BTG4: variants seen among roughly 807,000 people sequenced by gnomAD.
BTG4 encodes the protein BTG anti-proliferation factor 4, also known as protein BTG4.
Under a neutral mutation model 19.3 loss-of-function variants are expected in BTG4, and 10 were observed. The observed-to-expected ratio is 0.52, with a 90% CI of 0.32 to 0.88. The LOEUF (loss-of-function observed/expected upper bound fraction) is 0.88. Among genes scored for constraint, BTG4 ranks in the 40% least tolerant of loss-of-function variants. BTG4 has a pLI of 0.04. For missense variants in BTG4, 238 were observed against 281.9 expected (o/e 0.84, Z 1.11); for synonymous variants, 91 against 95.7 (o/e 0.95, Z 0.29).
chr11:111,497,318 T>C lies in BTG4; in HGVS notation c.403A>G (p.Ser135Gly). ...GAGGAAACGTCTGATGAGGCTCTAC[T>C]AACGGCATAACTGATTTGTTGATAT... ...ELYQQISYAVSRASSDVSSGT... is the reference protein window; with the variant it reads ...ELYQQISYAVGRASSDVSSGT... The change falls in exon 4 of 5, where the codon AGT becomes GGT. Residue 135 changes from serine to glycine, a missense_variant. Physicochemically the swap from Ser to Gly is moderately conservative, Grantham distance 56 (BLOSUM62 0). Coordinates refer to ENST00000692032, the MANE Select transcript of BTG4 (RefSeq NM_001367975.1). 1.3e-6 allele frequency: 2 copies of C among 1,595,236 alleles called. No individual in the cohort carries two copies. Among genetic ancestry groups the C allele is most frequent in the Non-Finnish European group, 1.7e-6 (2 of 1,173,696 alleles).
Position 111,498,743 on chromosome 11 carries a change from C to A in BTG4, c.34G>T (p.Val12Phe), listed in dbSNP as rs780084977. 3 of 1,612,108 alleles carry A rather than the reference C, an allele frequency of 1.9e-6. No individual in the cohort carries two copies. The highest frequency in any genetic ancestry group is 2.7e-5 in the African/African-American group (2 of 74,810). The change falls in exon 2 of 5, where the codon GTC becomes TTC. Residue 12 changes from valine to phenylalanine, a missense_variant. Coordinates refer to ENST00000692032, the MANE Select transcript of BTG4 (RefSeq NM_001367975.1). The part of the protein sequence containing the change: ...RDEIATTVFF[V>F]TRLVKKHDKL... ...TCATGTTTTTTCACCAATCTTGTGA[C>A]AAAGAAAACTGTTGTTGCAATTTCA...
chr11:111,489,969 C>T (rs77826400), downstream of BTG4, among the ~76,000 whole-genome samples: 1,831 of 152,048 alleles, frequency 0.012, 46 homozygotes, highest in African/African-American at 0.041. Flanking sequence ...AGTTACTGTA[C>T]ATTTTTAAAT....
chr11:111,405,820 T>G, the BTG4 span, among the ~76,000 whole-genome samples: 1 of 152,220 alleles, frequency 6.6e-6, no homozygotes, highest in Non-Finnish European at 1.5e-5. Context: ...TGTGCCTTAG[T>G]TTTTTCACTT....
chr11:111,392,839 C>T, the BTG4 span, among the ~76,000 whole-genome samples: 18 of 152,274 alleles, frequency 1.2e-4, no homozygotes, highest in Middle Eastern at 6.8e-3. Context: ...ACCTTGTCTC[C>T]TCTGGGTATG....
intron 5 of BTG4, among the ~76,000 whole-genome samples, chr11:111,479,780 C>G (rs1322144979): frequency 6.6e-6 from 1 of 152,026 alleles, no homozygotes; most frequent in Non-Finnish European, 1.5e-5. Flanking sequence ...TAAAATAACA[C>G]TGGTAGACTG....
At chr11:111,480,089 T>A (rs1240700785) in intron 5 of BTG4, among the ~76,000 whole-genome samples, 1 of 152,070 alleles carries the variant, frequency 6.6e-6, no homozygotes, top group Non-Finnish European at 1.5e-5. Flanking sequence ...ATATGCCATC[T>A]ACAAGAAACT....
At chr11:111,486,934 C>A (rs893715494) in intron 5 of BTG4, among the ~76,000 whole-genome samples, 1 of 151,584 alleles carries the variant, frequency 6.6e-6, no homozygotes, top group Non-Finnish European at 1.5e-5. Flanking sequence ...GGTATTAAGC[C>A]CCCCATGCAT....
chr11:111,502,828 G>C (rs1438776234), intron 1 of BTG4, among the ~76,000 whole-genome samples: 2 of 152,166 alleles, frequency 1.3e-5, no homozygotes, highest in Non-Finnish European at 2.9e-5. Context: ...GCCCAGGCAG[G>C]CCTTGAAAGT....
chr11:111,410,962 A>G, the BTG4 span, among the ~76,000 whole-genome samples: 1 of 152,070 alleles, frequency 6.6e-6, no homozygotes, highest in Admixed American at 6.5e-5. Context: ...AATATGTCTA[A>G]TATACAACTA....
chr11:111,423,545 C>G, the BTG4 span, among the ~76,000 whole-genome samples: 1 of 152,226 alleles, frequency 6.6e-6, no homozygotes, highest in Non-Finnish European at 1.5e-5. Flanking sequence ...AGCTGGCCTA[C>G]CCCTCCCCAA....
At chr11:111,408,891 C>T in the BTG4 span, among the ~76,000 whole-genome samples, 22 of 152,260 alleles carry the variant, frequency 1.4e-4, no homozygotes, top group Admixed American at 1.1e-3. Flanking sequence ...CAATGGGATT[C>T]GTGCTGTGAT....
the BTG4 span, among the ~76,000 whole-genome samples, chr11:111,406,299 G>A: frequency 6.6e-6 from 1 of 152,230 alleles, no homozygotes; most frequent in Non-Finnish European, 1.5e-5. Flanking sequence ...GTGTTTTGAT[G>A]ATGATGACCT....
intron 5 of BTG4, among the ~76,000 whole-genome samples, chr11:111,468,305 C>T (rs1315854423): frequency 1.3e-5 from 2 of 152,228 alleles, no homozygotes; most frequent in Admixed American, 1.3e-4. Flanking sequence ...GGTTGTGGTG[C>T]AAGTGCCGTG....
chr11:111,447,806 C>T, the BTG4 span, among the ~76,000 whole-genome samples: 58 of 152,300 alleles, frequency 3.8e-4, no homozygotes, highest in Admixed American at 6.5e-4. Context: ...GAGTGCATCC[C>T]GGAGCTCCCA....
intron 5 of BTG4, among the ~76,000 whole-genome samples, chr11:111,489,778 A>G (rs1231741550): frequency 2.0e-5 from 3 of 151,992 alleles, no homozygotes; most frequent in Non-Finnish European, 4.4e-5. Context: ...TCTCATTCAC[A>G]CTTGGGAGTG....
chr11:111,428,051 A>C, the BTG4 span, among the ~76,000 whole-genome samples: 1 of 152,158 alleles, frequency 6.6e-6, no homozygotes, highest in Non-Finnish European at 1.5e-5. Context: ...AGTTATAGGG[A>C]GGAGGATTTG....
chr11:111,426,219 G>C, the BTG4 span, among the ~76,000 whole-genome samples: 1 of 151,982 alleles, frequency 6.6e-6, no homozygotes, highest in African/African-American at 2.4e-5. Context: ...CAGCCAGAGA[G>C]AGGTGAGAAT....
chr11:111,504,587 C>G (rs150393640), intron 1 of BTG4, among the ~76,000 whole-genome samples: 1 of 152,110 alleles, frequency 6.6e-6, no homozygotes, highest in Non-Finnish European at 1.5e-5. Flanking sequence ...AAGATAACTC[C>G]TATTCAACAT....
At chr11:111,404,249 A>G in the BTG4 span, among the ~76,000 whole-genome samples, 1 of 152,234 alleles carries the variant, frequency 6.6e-6, no homozygotes, top group Non-Finnish European at 1.5e-5. Context: ...CTGTGAGTCC[A>G]TTAAACCTCT....
Sources: gnomAD v4.1 joint callset for allele counts (sites outside exome capture counted in the v4.1 genomes callset) on GRCh38, gnomAD v4.1.1 for gene constraint, MANE v1.5 for transcripts, NCBI Gene and HGNC (gene_info 2026-07-23, HGNC 2026-07-21) for gene names.